Variants in KCNK10 observed in about 807,000 individuals in gnomAD.
KCNK10 encodes the protein potassium channel subfamily K member 10.
In KCNK10, 25 loss-of-function variants were observed where a neutral mutation model predicts 47.7. The ratio of observed to expected loss-of-function variants is 0.52; its 90% CI spans 0.38 to 0.73. The LOEUF is 0.73. Among genes scored for constraint, KCNK10 ranks in the 30% least tolerant of loss-of-function variants. KCNK10 has a pLI of 0.00. For missense variants in KCNK10, 563 were observed against 714.5 expected (o/e 0.79, Z 2.42); for synonymous variants, 303 against 285.6 (o/e 1.06, Z -0.61).
chr14:88,194,378 G>A (rs1018352920), intron 4 of KCNK10, among the ~76,000 whole-genome samples: 2 of 152,206 alleles, frequency 1.3e-5, no homozygotes. Flanking sequence ...AAAGTTCAAA[G>A]CCCAAAAGGA....
intron 1 of KCNK10, among the ~76,000 whole-genome samples, chr14:88,273,754 G>C (rs928545206): frequency 1.3e-5 from 2 of 152,112 alleles, no homozygotes; most frequent in African/African-American, 4.8e-5. Context: ...GCCACAGCTG[G>C]GGTTCCTTGT....
At chr14:88,298,059 A>C (rs775600899) in intron 1 of KCNK10, among the ~76,000 whole-genome samples, 9 of 152,212 alleles carry the variant, frequency 5.9e-5, no homozygotes, top group Non-Finnish European at 1.2e-4. Flanking sequence ...AGATCTTTTC[A>C]GGTAGAAAAC....
chr14:88,246,580 A>G (rs1003858732), intron 2 of KCNK10, among the ~76,000 whole-genome samples: 1 of 152,262 alleles, frequency 6.6e-6, no homozygotes, highest in Non-Finnish European at 1.5e-5. Context: ...TTCCAAGGGC[A>G]AGGTGAGTTC....
chr14:88,251,232 C>CAAAAAA (rs1160023262), intron 2 of KCNK10, among the ~76,000 whole-genome samples: 17 of 69,660 alleles, frequency 2.4e-4, no homozygotes, highest in Non-Finnish European at 3.4e-4. Context: ...GACTCTGTCT[C>CAAAAAA]AAAAAAAAAA....
At position 88,313,745 on chromosome 14, in the gene KCNK10, T is replaced by G. The variant is rs535970091; in HGVS notation, c.52+9002A>C. Among the ~76,000 whole-genome samples the G allele has an allele frequency of 7.2e-5, 11 of 152,328 alleles. No individual in the cohort carries two copies. The East Asian group carries it at 1.9e-3, about 27-fold the overall frequency. ...AATTAAACTATCCCTGAATTATTGA[T>G]CCACAGAACTTATGAGATAATAAAT... On this transcript the variant is annotated intron_variant, in intron 1 of 6. Coordinates refer to ENST00000319231, the MANE Select transcript of KCNK10 (RefSeq NM_138317.3).
intron 2 of KCNK10, among the ~76,000 whole-genome samples, chr14:88,251,341 A>ATTG (rs1886794969): frequency 1.3e-5 from 2 of 152,056 alleles, no homozygotes; most frequent in African/African-American, 4.8e-5. Flanking sequence ...GAAGGGATAT[A>ATTG]TTGATAAAAG....
intron 4 of KCNK10, among the ~76,000 whole-genome samples, chr14:88,200,282 AC>A (rs1329916594): frequency 6.6e-6 from 1 of 152,120 alleles, no homozygotes; most frequent in African/African-American, 2.4e-5. Context: ...AGGTGTGTGA[AC>A]TAGAAGAGAA....
intron 2 of KCNK10, among the ~76,000 whole-genome samples, chr14:88,249,037 C>T (rs1886721035): frequency 6.6e-6 from 1 of 152,170 alleles, no homozygotes; most frequent in Admixed American, 6.5e-5. Context: ...TTCTATCTTC[C>T]ACGAATAGTT....
At chr14:88,195,626 G>A (rs1884888237) in intron 4 of KCNK10, among the ~76,000 whole-genome samples, 1 of 152,068 alleles carries the variant, frequency 6.6e-6, no homozygotes, top group Non-Finnish European at 1.5e-5. Flanking sequence ...GCCAACTCTG[G>A]TTTGAGCTCT....
At chr14:88,236,377 T>G (rs1886302096) in intron 3 of KCNK10, among the ~76,000 whole-genome samples, 1 of 152,132 alleles carries the variant, frequency 6.6e-6, no homozygotes, top group Admixed American at 6.5e-5. Flanking sequence ...TTGTTTCAAC[T>G]ATCCTTCAAA....
At chr14:88,314,553 G>C (rs1211165576) in intron 1 of KCNK10, among the ~76,000 whole-genome samples, 1 of 152,178 alleles carries the variant, frequency 6.6e-6, no homozygotes, top group Non-Finnish European at 1.5e-5. Context: ...TTCTTTCACT[G>C]GTCTTTTCTC....
In KCNK10 at chr14:88,322,863, T is replaced by C; in HGVS notation, c.-65A>G. On this transcript the variant is annotated 5_prime_UTR_variant, in exon 1 of 7. Coordinates refer to ENST00000319231, the MANE Select transcript of KCNK10 (RefSeq NM_138317.3). The surrounding 1 kb of genome is among the most constrained non-coding windows in gnomAD (Gnocchi z 4.8). Reference sequence around the variant, plus strand: ...AAATAATAATAAAGTCCTCAAGCTTTACACGCCTCGGTTTAGCAGTCCAAC... The same window carrying C: ...AAATAATAATAAAGTCCTCAAGCTTCACACGCCTCGGTTTAGCAGTCCAAC... 2.5e-6 allele frequency: 4 copies of C among 1,612,542 alleles called. No homozygotes were observed. The highest frequency in any genetic ancestry group is 1.7e-5 in the Admixed American group (1 of 59,850).
At chr14:88,194,079 T>C (rs149034873) in intron 4 of KCNK10, among the ~76,000 whole-genome samples, 1 of 152,288 alleles carries the variant, frequency 6.6e-6, no homozygotes, top group Non-Finnish European at 1.5e-5. Context: ...GAAAAATAAT[T>C]TGATCTATGC....
chr14:88,284,779 C>T (rs1299668054), intron 1 of KCNK10, among the ~76,000 whole-genome samples: 2 of 152,168 alleles, frequency 1.3e-5, no homozygotes, highest in African/African-American at 4.8e-5. Flanking sequence ...TCCCCTACAA[C>T]ACCCTCACAG....
chr14:88,235,886 A>G (rs1215323067), intron 3 of KCNK10, among the ~76,000 whole-genome samples: 1 of 152,234 alleles, frequency 6.6e-6, no homozygotes, highest in Non-Finnish European at 1.5e-5. Context: ...ATGAAAGAGA[A>G]ATAATATTTT....
At chr14:88,302,145 C>T (rs1198803333) in intron 1 of KCNK10, among the ~76,000 whole-genome samples, 2 of 152,074 alleles carry the variant, frequency 1.3e-5, no homozygotes, top group Non-Finnish European at 2.9e-5. Flanking sequence ...ATGCAACATG[C>T]CCGTACTTTA....
At chr14:88,265,154 G>A (rs1887219140) in intron 1 of KCNK10, among the ~76,000 whole-genome samples, 1 of 152,178 alleles carries the variant, frequency 6.6e-6, no homozygotes, top group South Asian at 2.1e-4. Context: ...CTGCCTTGGG[G>A]GCAGGTAGAA....
chr14:88,311,415 G>A (rs1470829550), intron 1 of KCNK10, among the ~76,000 whole-genome samples: 1 of 151,920 alleles, frequency 6.6e-6, no homozygotes, highest in Non-Finnish European at 1.5e-5. Context: ...CCACCCTCAT[G>A]CGCCATGCCA....
At chr14:88,278,906 A>G (rs895434425) in intron 1 of KCNK10, among the ~76,000 whole-genome samples, 1 of 152,190 alleles carries the variant, frequency 6.6e-6, no homozygotes, top group Admixed American at 6.5e-5. Flanking sequence ...GTTGTCTGCC[A>G]TTGGGAGATT....
Sources: gnomAD v4.1 joint callset for allele counts (sites outside exome capture counted in the v4.1 genomes callset) on GRCh38, gnomAD v4.1.1 for gene constraint, Gnocchi (gnomAD v3.1) non-coding constraint, MANE v1.5 for transcripts, NCBI Gene and HGNC (gene_info 2026-07-23, HGNC 2026-07-21) for gene names.